Variants in OTUD4 observed in about 807,000 individuals in gnomAD.
OTUD4 encodes the protein OTU deubiquitinase 4, also known as OTU domain-containing protein 4.
A neutral mutation model predicts 130.4 loss-of-function variants in OTUD4; 24 were observed. The observed-to-expected ratio is 0.18, with a 90% CI of 0.13 to 0.26. The LOEUF (loss-of-function observed/expected upper bound fraction) is 0.26, where lower values mean the gene tolerates loss of function less well. OTUD4 is among the 10% of genes least tolerant of loss of function. OTUD4 has a pLI of 1.00. For missense variants in OTUD4, 1,031 were observed against 1,329.4 expected (o/e 0.78, Z 3.49); for synonymous variants, 420 against 472.5 (o/e 0.89, Z 1.44).
rs963755099 is a variant in OTUD4 at position 145,152,655 on chromosome 4, T to C, written c.874-20A>G. The C allele has an allele frequency of 1.4e-6, 2 of 1,415,042 alleles. No individual in the cohort carries two copies. The highest frequency in any genetic ancestry group is 2.3e-5 in the East Asian group (1 of 43,674). The allele number at this position is 1,415,042 out of a possible 1,614,324, so 87.7% of individuals were successfully genotyped here. ...CCTAACCTGTTAAAAATTCCAAAAA[T>C]GAAAAGGAAAAAAAAAATCAGTCAC... is the stretch of plus-strand genomic sequence containing the variant. On this transcript the variant is annotated intron_variant, in intron 10 of 20. Coordinates refer to ENST00000447906, the MANE Select transcript of OTUD4 (RefSeq NM_001366057.1).
intron 2 of OTUD4, among the ~76,000 whole-genome samples, chr4:145,174,391 T>C (rs564614377): frequency 6.6e-6 from 1 of 152,286 alleles, no homozygotes; most frequent in East Asian, 1.9e-4. Flanking sequence ...AAGGGCCTTG[T>C]CCAGGTCATC....
intron 13 of OTUD4, chr4:145,149,456 T>C (rs1019519865): frequency 1.3e-5 from 2 of 152,186 alleles, no homozygotes; most frequent in African/African-American, 4.8e-5. Context: ...ACTAAAATAG[T>C]ATTGATAAAT....
chr4:145,143,440 A>G lies in OTUD4; in HGVS notation c.1608T>C (p.Ile536=), dbSNP rs1199519117. ...KRPEPSTLEN[I]TDDKYATVSS... is the part of the protein sequence containing the mutation. ...AAACTGTTGCATATTTATCATCAGT[A>G]ATATTCTTTGGAAGCAAAAAAGAAG... The change falls in exon 17 of 21, where the codon ATT becomes ATC. Residue 536 remains isoleucine (I), a synonymous_variant. Transcript: ENST00000447906. 4 of 1,602,310 alleles carry G rather than the reference A, an allele frequency of 2.5e-6. No individual in the cohort carries two copies. In the East Asian group the frequency reaches 8.9e-5, roughly 36 times the overall value.
intron 3 of OTUD4, among the ~76,000 whole-genome samples, chr4:145,169,119 G>C (rs1752025111): frequency 6.6e-6 from 1 of 152,204 alleles, no homozygotes; most frequent in South Asian, 2.1e-4. Context: ...GTGCTTGCCA[G>C]GTCCCAGGGG....
At position 145,143,395 on chromosome 4, in the gene OTUD4, C is replaced by A. The variant is rs143908409; in HGVS notation, c.1653G>T (p.Lys551Asn). 261 of 1,611,030 alleles carry A rather than the reference C, an allele frequency of 1.6e-4. 1 individual carries two copies. The African/African-American group carries it at 3.0e-3, about 19-fold the overall frequency. ...CCGCAGGAGAAGGGCACTCTAACTT[C>A]TTTGACTTTGATGGTGATGAAACTG... Reference protein sequence around the residue: ...YATVSSPSKSKKLECPSPAEQ... With the variant: ...YATVSSPSKSNKLECPSPAEQ... The change falls in exon 17 of 21, where the codon AAG becomes AAT. Residue 551 changes from lysine (K) to asparagine (N), a missense_variant. This residue lies in a region of OTUD4 where 900 missense variants were observed against 1,095.9 expected (regional missense o/e 0.82). Transcript: ENST00000447906.
intron 5 of OTUD4, among the ~76,000 whole-genome samples, chr4:145,163,300 G>A (rs935479696): frequency 1.3e-5 from 2 of 152,166 alleles, no homozygotes; most frequent in Non-Finnish European, 2.9e-5. Context: ...TGGAACACAA[G>A]TCACTTCAAT....
At chr4:145,141,332 T>G in intron 19 of OTUD4, 47 bp downstream of exon 19, 1 of 1,502,934 alleles carries the variant, frequency 6.7e-7, no homozygotes, top group Non-Finnish European at 8.9e-7. Context: ...TTAACTAAGC[T>G]TATTTGGACT....
intron 1 of OTUD4, 62 bp downstream of exon 1, chr4:145,179,753 A>ACC: frequency 1.1e-6 from 1 of 945,954 alleles, no homozygotes; most frequent in Non-Finnish European, 1.4e-6. Context: ...CTGCCTCCCC[A>ACC]CCCAGACCCG....
At chr4:145,164,268 T>C in intron 4 of OTUD4, 42 bp from the exon 5 acceptor site, 1 of 921,392 alleles carries the variant, frequency 1.1e-6, no homozygotes, top group Non-Finnish European at 1.7e-6. Flanking sequence ...GGACTATACT[T>C]CATGAATTTG....
Position 145,137,738 on chromosome 4 carries a change from C to G in OTUD4, c.3037G>C (p.Asp1013His), listed in dbSNP as rs1388168287. The change falls in exon 21 of 21, where the codon GAT becomes CAT. Residue 1013 changes from aspartate (D) to histidine (H), a missense_variant. Around this residue, in one of 3 missense-constraint regions of OTUD4, gnomAD observed 900 missense variants for 1,095.9 expected, o/e 0.82. Transcript: ENST00000447906. ...DVVSPGANSV[D>H]SRVQRPKEES... ...TCTTTTGGTCTTTGCACTCTGCTAT[C>G]AACAGAGTTGGCCCCAGGGCTGACC... 1.2e-6 allele frequency: 2 copies of G among 1,613,838 alleles called. No individual in the cohort carries two copies. Among genetic ancestry groups the G allele is most frequent in the Admixed American group, 1.7e-5 (1 of 60,024 alleles).
chr4:145,154,519 G>C (rs1203460134), intron 10 of OTUD4, among the ~76,000 whole-genome samples: 1 of 152,212 alleles, frequency 6.6e-6, no homozygotes, highest in African/African-American at 2.4e-5. Context: ...AATTTCTGAT[G>C]AGAATTAACT....
At chr4:145,152,662 GA>G (rs771132103) in intron 10 of OTUD4, 27 bp from the exon 11 acceptor site, 1,878 of 1,218,196 alleles carry the variant, frequency 1.5e-3, no homozygotes, top group East Asian at 1.8e-3. Flanking sequence ...AAATGAAAAG[GA>G]AAAAAAAAAT....
At chr4:145,149,372 G>C (rs111263666) in intron 13 of OTUD4, among the ~76,000 whole-genome samples, 5 of 152,090 alleles carry the variant, frequency 3.3e-5, no homozygotes, top group Non-Finnish European at 7.4e-5. Context: ...CTAGCAACCC[G>C]AAGTGTGAAA....
intron 4 of OTUD4, among the ~76,000 whole-genome samples, chr4:145,164,777 C>G (rs1751763671): frequency 1.3e-5 from 2 of 152,058 alleles, no homozygotes; most frequent in Non-Finnish European, 2.9e-5. Context: ...CCAAAAACTT[C>G]TGGACTCAAT....
chr4:145,138,764 C>A (rs1750410155), intron 20 of OTUD4, 114 bp from the exon 21 acceptor site: 3 of 820,884 alleles, frequency 3.7e-6, no homozygotes, highest in Non-Finnish European at 5.7e-6. Flanking sequence ...CTACAAAGAC[C>A]ATATAATCTA....
intron 3 of OTUD4, among the ~76,000 whole-genome samples, chr4:145,166,031 C>T (rs544065418): frequency 6.6e-6 from 1 of 151,984 alleles, no homozygotes; most frequent in East Asian, 2.0e-4. Flanking sequence ...TGTGGTGGCC[C>T]ATGCCTATAG....
intron 13 of OTUD4, chr4:145,149,483 A>G (rs1750968879): frequency 6.6e-6 from 1 of 152,238 alleles, no homozygotes; most frequent in Admixed American, 6.5e-5. Context: ...TTAAGAAGCT[A>G]TAATTCTGTC....
intron 1 of OTUD4, chr4:145,179,610 T>C (rs1232197649): frequency 6.5e-6 from 9 of 1,384,838 alleles, no homozygotes; most frequent in East Asian, 5.9e-5. Flanking sequence ...CCCCGTTAAT[T>C]TGCGGGCTTT....
At chr4:145,166,416 T>C (rs1751877375) in intron 3 of OTUD4, among the ~76,000 whole-genome samples, 1 of 152,072 alleles carries the variant, frequency 6.6e-6, no homozygotes, top group Admixed American at 6.6e-5. Context: ...ATTCAACTTC[T>C]ATACGTCTAT....
Sources: gnomAD v4.1 joint callset for allele counts (sites outside exome capture counted in the v4.1 genomes callset) on GRCh38, gnomAD v4.1.1 for gene constraint, gnomAD v4.1.1 regional missense constraint, MANE v1.5 for transcripts, NCBI Gene and HGNC (gene_info 2026-07-23, HGNC 2026-07-21) for gene names.